UGT2B17: variants seen among roughly 807,000 people sequenced by gnomAD.
The protein encoded by UGT2B17 is UDP glucuronosyltransferase family 2 member B17, also known as UDP-glucuronosyltransferase 2B17.
A neutral mutation model predicts 48.2 loss-of-function variants in UGT2B17; 21 were observed. The ratio of observed to expected loss-of-function variants is 0.44; its 90% CI spans 0.31 to 0.63. UGT2B17 has a LOEUF of 0.63. UGT2B17 is among the 20% of genes least tolerant of loss of function. The pLI is 0.08. For missense variants in UGT2B17, 402 were observed against 696.1 expected (o/e 0.58, Z 4.75); for synonymous variants, 146 against 238.4 (o/e 0.61, Z 3.57).
chr4:68,543,201 C>A (rs1490519210), intron 6 of UGT2B17, among the ~76,000 whole-genome samples: 1 of 125,830 alleles, frequency 7.9e-6, no homozygotes, highest in African/African-American at 2.7e-5. Context: ...TAGGGGCAGA[C>A]TGACACCTCA....
Position 68,564,917 on chromosome 4 carries a change from A to T in UGT2B17, c.873+655T>A, listed in dbSNP as rs1413341033. On this transcript the variant is annotated intron_variant, in intron 3 of 6. Coordinates refer to ENST00000317746, the MANE Select transcript of UGT2B17 (RefSeq NM_001077.4). Reference sequence around the variant, plus strand: ...GAGATGAGGTTTTACCATGTTGCCCAGGCTGGTCTCAAACTCCTGAGCCCA... The same window carrying T: ...GAGATGAGGTTTTACCATGTTGCCCTGGCTGGTCTCAAACTCCTGAGCCCA... Among the ~76,000 whole-genome samples the T allele has an allele frequency of 1.6e-5, 2 of 124,678 alleles. 1 individual carries two copies. Among genetic ancestry groups the T allele is most frequent in the East Asian group, 1.6e-3 (2 of 1,288 alleles). The allele number at this position is 124,678 out of a possible 152,430, so 81.8% of individuals were successfully genotyped here.
Position 68,545,492 on chromosome 4 carries a change from C to G in UGT2B17, c.1313+5185G>C, listed in dbSNP as rs574339554. 3.2e-5 allele frequency among the ~76,000 whole-genome samples: 4 copies of G among 125,102 alleles called. 1 individual carries two copies. Among genetic ancestry groups the G allele is most frequent in the African/African-American group, 1.1e-4 (4 of 36,466 alleles). 82.1% of individuals were successfully genotyped at this position (125,102 alleles called of 152,430 possible). On this transcript the variant is annotated intron_variant, in intron 6 of 6. Coordinates refer to ENST00000317746, the MANE Select transcript of UGT2B17 (RefSeq NM_001077.4). ...AAGCAGGAAACATCTAAAATTGACA[C>G]CCTAACGTCACAATTAAAAGAACTA...
intron 3 of UGT2B17, among the ~76,000 whole-genome samples, chr4:68,562,825 G>A (rs1273196129): frequency 8.0e-6 from 1 of 125,140 alleles, no homozygotes; most frequent in Non-Finnish European, 1.7e-5. Flanking sequence ...TTTTCTCATT[G>A]TATATGCCTT....
intron 3 of UGT2B17, among the ~76,000 whole-genome samples, chr4:68,561,851 C>T (rs142649753): frequency 0.017 from 2,000 of 121,116 alleles, 406 homozygotes; most frequent in African/African-American, 0.041. Flanking sequence ...ATAAGTTTCC[C>T]GGATATCATA....
Position 68,537,522 on chromosome 4 carries a change from G to A in UGT2B17, c.*103C>T. 2 of 1,060,228 alleles carry A rather than the reference G, an allele frequency of 1.9e-6. No individual in the cohort carries two copies. The highest frequency in any genetic ancestry group is 2.4e-6 in the Non-Finnish European group (2 of 823,624). 65.7% of individuals were successfully genotyped at this position (1,060,228 alleles called of 1,614,324 possible). On this transcript the variant is annotated 3_prime_UTR_variant, in exon 7 of 7. Coordinates refer to ENST00000317746, the MANE Select transcript of UGT2B17 (RefSeq NM_001077.4). ...TTAACAGGGTAAGTTGTGAAAAGACGTTTTGTCGCAGGAAAAAGGAAATCC... is the reference window on the plus strand; with the variant it reads ...TTAACAGGGTAAGTTGTGAAAAGACATTTTGTCGCAGGAAAAAGGAAATCC...
In UGT2B17 at chr4:68,551,837, C is replaced by G; in HGVS notation, c.1080G>C (p.Gln360His). Reference protein sequence around the residue: ...SNTRLYKWLPQNDLLGHPKTK... With the variant: ...SNTRLYKWLPHNDLLGHPKTK... ...CCAGAGTCTTACCAAGAAGGTCATT[C>G]TGGGGTAACCACTTATACAGTCGAG... is the stretch of plus-strand genomic sequence containing the variant. Residue 360 changes from glutamine (Q) to histidine (H), a missense_variant, in exon 5 of 7, where the codon CAG (glutamine) becomes CAC (histidine). Around this residue, in one of 5 missense-constraint regions of UGT2B17, gnomAD observed 156 missense variants for 258.6 expected, o/e 0.60. Transcript: ENST00000317746. 2.2e-6 allele frequency: 3 copies of G among 1,351,364 alleles called. 1 individual carries two copies. The highest frequency in any genetic ancestry group is 2.9e-6 in the Non-Finnish European group (3 of 1,036,894). The allele number at this position is 1,351,364 out of a possible 1,614,324, so 83.7% of individuals were successfully genotyped here.
At position 68,555,978 on chromosome 4, in the gene UGT2B17, A is replaced by G. The variant is rs532502000; in HGVS notation, c.1006-4067T>C. Among the ~76,000 whole-genome samples, 7 of 118,090 alleles carry G rather than the reference A, an allele frequency of 5.9e-5. 2 individuals are homozygous for G. Among genetic ancestry groups the G allele is most frequent in the African/African-American group, 2.0e-4 (7 of 35,008 alleles). 77.5% of individuals were successfully genotyped at this position (118,090 alleles called of 152,430 possible). On this transcript the variant is annotated intron_variant, in intron 4 of 6. Coordinates refer to ENST00000317746, the MANE Select transcript of UGT2B17 (RefSeq NM_001077.4). ...GAAGAGAAATAATTTTATATGAGAAAGAATCTTGTGTGGTAAATTTAGTCC... is the reference window on the plus strand; with the variant it reads ...GAAGAGAAATAATTTTATATGAGAAGGAATCTTGTGTGGTAAATTTAGTCC...
rs1730919433 is a variant in UGT2B17 at position 68,551,846 on chromosome 4, C to A, written c.1071G>T (p.Trp357Cys). 1 of 1,359,608 alleles carries A rather than the reference C, an allele frequency of 7.4e-7. No individual in the cohort carries two copies. The highest frequency in any genetic ancestry group is 1.5e-5 in the African/African-American group (1 of 67,400). The allele number at this position is 1,359,608 out of a possible 1,614,324, so 84.2% of individuals were successfully genotyped here. ...TLGSNTRLYK[W>C]LPQNDLLGHP... ...TACCAAGAAGGTCATTCTGGGGTAA[C>A]CACTTATACAGTCGAGTATTGGAAC... The change falls in exon 5 of 7, where the codon TGG (tryptophan) becomes TGT (cysteine). Residue 357 changes from tryptophan to cysteine, a missense_variant. Around this residue, in one of 5 missense-constraint regions of UGT2B17, gnomAD observed 156 missense variants for 258.6 expected, o/e 0.60. Coordinates refer to ENST00000317746, the MANE Select transcript of UGT2B17 (RefSeq NM_001077.4).
In UGT2B17 at chr4:68,537,633, T is replaced by C. The variant is rs749182572; in HGVS notation, c.1585A>G (p.Arg529Gly). ...KLAKTGKKKKRD is the reference protein window; with the variant it reads ...KLAKTGKKKKGD ...TCAGGCTTTTGATATAACTAATCCCTTTTCTTCTTCTTTCCTGTTTTGGCA... is the reference window on the plus strand; with the variant it reads ...TCAGGCTTTTGATATAACTAATCCCCTTTCTTCTTCTTTCCTGTTTTGGCA... The change falls in exon 7 of 7, where the codon AGG (arginine) becomes GGG (glycine). Residue 529 changes from arginine to glycine, a missense_variant. Physicochemically the swap from Arg to Gly is moderately radical, Grantham distance 125. Around this residue, in one of 5 missense-constraint regions of UGT2B17, gnomAD observed 156 missense variants for 258.6 expected, o/e 0.60. Coordinates refer to ENST00000317746, the MANE Select transcript of UGT2B17 (RefSeq NM_001077.4). The C allele has an allele frequency of 7.3e-7, 1 of 1,369,526 alleles. No homozygotes were observed. Among genetic ancestry groups the C allele is most frequent in the Non-Finnish European group, 9.5e-7 (1 of 1,049,068 alleles). The allele number at this position is 1,369,526 out of a possible 1,614,324, so 84.8% of individuals were successfully genotyped here. A position where few individuals can be genotyped will look rare whatever the true frequency, so the allele number is the denominator to read the frequency against.
chr4:68,575,967 A>G lies in UGT2B17; in HGVS notation c.-81T>C, dbSNP rs1254076555. On this transcript the variant is annotated 5_prime_UTR_variant, in exon 1 of 7. Coordinates refer to ENST00000317746, the MANE Select transcript of UGT2B17 (RefSeq NM_001077.4). ...TAGTCTTACCAAGTTCCAGATGTCC[A>G]GACTCCAAGTGCCAGTTCCTTCCCG... Among the ~76,000 whole-genome samples, 2 of 126,768 alleles carry G rather than the reference A, an allele frequency of 1.6e-5. 1 individual carries two copies. The highest frequency in any genetic ancestry group is 3.4e-5 in the Non-Finnish European group (2 of 59,658). The allele number at this position is 126,768 out of a possible 152,430, so 83.2% of individuals were successfully genotyped here. A position where few individuals can be genotyped will look rare whatever the true frequency, so the allele number is the denominator to read the frequency against.
At chr4:68,563,412 C>A (rs1305239059) in intron 3 of UGT2B17, among the ~76,000 whole-genome samples, 1 of 126,490 alleles carries the variant, frequency 7.9e-6, no homozygotes, top group African/African-American at 2.7e-5. Flanking sequence ...GAGTTCGAGA[C>A]CAGCCTGGCC....
chr4:68,566,908 C>A (rs1173211927), intron 2 of UGT2B17, among the ~76,000 whole-genome samples: 1 of 110,452 alleles, frequency 9.1e-6, no homozygotes, highest in East Asian at 8.4e-4. Context: ...TTAAGCTAGT[C>A]CCTTGATCCT....
intron 6 of UGT2B17, among the ~76,000 whole-genome samples, chr4:68,545,952 A>C (rs1207591721): frequency 7.9e-6 from 1 of 126,012 alleles, no homozygotes; most frequent in Non-Finnish European, 1.7e-5. Flanking sequence ...AACCAAAAAA[A>C]GTCCAGGACC....
chr4:68,576,001 C>A lies in UGT2B17; in HGVS notation c.-115G>T, dbSNP rs1237337579. Among the ~76,000 whole-genome samples the A allele has an allele frequency of 3.2e-5, 4 of 126,640 alleles. 1 individual carries two copies. Among genetic ancestry groups the A allele is most frequent in the Non-Finnish European group, 6.7e-5 (4 of 59,692 alleles). The allele number at this position is 126,640 out of a possible 152,430, so 83.1% of individuals were successfully genotyped here. A position where few individuals can be genotyped will look rare whatever the true frequency, so the allele number is the denominator to read the frequency against. On this transcript the variant is annotated 5_prime_UTR_variant, in exon 1 of 7. Transcript: ENST00000317746. ...GTGCCAGTTCCTTCCCGGTGTTCAG[C>A]CACTGTGTTAATCCTCCACGGGGGC...
At chr4:68,558,703 C>T (rs186647943) in intron 4 of UGT2B17, among the ~76,000 whole-genome samples, 1,570 of 125,716 alleles carry the variant, frequency 0.012, 315 homozygotes, top group African/African-American at 0.04. Flanking sequence ...CAGATGAAAA[C>T]CTGAGACCAG....
rs1231026705 is a variant in UGT2B17, at chr4:68,559,456, TG to T, written c.1005+1080del. Reference sequence around the variant, plus strand: ...ATGCACTACCTAGCATTGACAGCCTTGATATATGGTCAGCTATAGCCAGTCA... The same window carrying T: ...ATGCACTACCTAGCATTGACAGCCTTATATATGGTCAGCTATAGCCAGTCA... On this transcript the variant is annotated intron_variant, in intron 4 of 6. Coordinates refer to ENST00000317746, the MANE Select transcript of UGT2B17 (RefSeq NM_001077.4). Among the ~76,000 whole-genome samples the T allele has an allele frequency of 1.6e-5, 2 of 125,926 alleles. 1 individual carries two copies. The highest frequency in any genetic ancestry group is 3.4e-5 in the Non-Finnish European group (2 of 59,428). 82.6% of individuals were successfully genotyped at this position (125,926 alleles called of 152,430 possible). A position where few individuals can be genotyped will look rare whatever the true frequency, so the allele number is the denominator to read the frequency against.
rs996474219 is a variant in UGT2B17, at chr4:68,553,189, T to C, written c.1006-1278A>G. Among the ~76,000 whole-genome samples, 7 of 126,018 alleles carry C rather than the reference T, an allele frequency of 5.6e-5. 2 individuals are homozygous for C. The highest frequency in any genetic ancestry group is 1.9e-4 in the African/African-American group (7 of 36,934). The allele number at this position is 126,018 out of a possible 152,430, so 82.7% of individuals were successfully genotyped here. A position where few individuals can be genotyped will look rare whatever the true frequency, so the allele number is the denominator to read the frequency against. On this transcript the variant is annotated intron_variant, in intron 4 of 6. Transcript: ENST00000317746. The stretch of plus-strand genomic sequence containing the variant: ...ATTTGACAAACTTTACCTGACTTGA[T>C]CATATCTGAGTGAGAATTCCAAATT...
Position 68,546,110 on chromosome 4 carries a change from G to A in UGT2B17, c.1313+4567C>T, listed in dbSNP as rs377614482. On this transcript the variant is annotated intron_variant, in intron 6 of 6. Coordinates refer to ENST00000317746, the MANE Select transcript of UGT2B17 (RefSeq NM_001077.4). ...TCATCCTGATACCAAAGCCTGGCAG[G>A]GACACAAGAAAAAAAAGAGAATTGT... 3.2e-5 allele frequency among the ~76,000 whole-genome samples: 4 copies of A among 124,132 alleles called. 1 individual carries two copies. The highest frequency in any genetic ancestry group is 5.1e-5 in the Non-Finnish European group (3 of 58,678). 81.4% of individuals were successfully genotyped at this position (124,132 alleles called of 152,430 possible). A position where few individuals can be genotyped will look rare whatever the true frequency, so the allele number is the denominator to read the frequency against.
intron 6 of UGT2B17, among the ~76,000 whole-genome samples, chr4:68,544,678 C>G (rs147808572): frequency 0.051 from 6,448 of 125,518 alleles, 1,550 homozygotes; most frequent in African/African-American, 0.16. Context: ...AGACCCATCA[C>G]TGTGCTGTAT....
Sources: allele counts gnomAD v4.1 joint callset (sites outside exome capture counted in the v4.1 genomes callset), GRCh38; gene constraint gnomAD v4.1.1; regional missense constraint gnomAD v4.1.1; transcripts MANE v1.5; gene names NCBI Gene and HGNC (gene_info 2026-07-23, HGNC 2026-07-21).